Variants in MYCBP observed in about 807,000 individuals in gnomAD.
The protein encoded by MYCBP is C-Myc-binding protein.
MYCBP carries 5 observed loss-of-function variants against 16.8 expected under a neutral mutation model. The observed-to-expected ratio is 0.30, with a 90% confidence interval of 0.16 to 0.63. The LOEUF (loss-of-function observed/expected upper bound fraction) is 0.63, where lower values mean the gene tolerates loss of function less well. Ranked by LOEUF, MYCBP falls within the 20% of genes least tolerant of loss-of-function variation. MYCBP has a pLI of 0.83. For missense variants in MYCBP, 103 were observed against 121.8 expected, an observed-to-expected ratio of 0.85 and a Z score of 0.73; for synonymous variants, 35 against 43.7, an observed-to-expected ratio of 0.80 and a Z score of 0.79.
Position 38,866,044 on chromosome 1 carries a change from C to CTTTTTTTTTTTTTTTTTTTTT in MYCBP, c.267+815_267+835dup, listed in dbSNP as rs71057153. 4.6e-5 allele frequency among the ~76,000 whole-genome samples: 3 copies of CTTTTTTTTTTTTTTTTTTTTT among 65,720 alleles called. 1 individual carries two copies. Among genetic ancestry groups the CTTTTTTTTTTTTTTTTTTTTT allele is most frequent in the African/African-American group, 2.4e-4 (3 of 12,652 alleles). 43.1% of individuals were successfully genotyped at this position (65,720 alleles called of 152,430 possible). ...TAGTAATACAGGTTCCTAAGAACCT[C>CTTTTTTTTTTTTTTTTTTTTT]TTTTTTTTTTTTTTTTTTTTTGAGA... On this transcript the variant is annotated intron_variant, in intron 4 of 4. Coordinates refer to ENST00000397572, the MANE Select transcript of MYCBP (RefSeq NM_012333.5).
chr1:38,864,590 T>C lies in MYCBP; in HGVS notation c.*80A>G. The C allele has an allele frequency of 7.1e-7, 1 of 1,398,952 alleles. No homozygotes were observed. The highest frequency in any genetic ancestry group is 1.0e-6 in the Non-Finnish European group (1 of 987,144). The allele number at this position is 1,398,952 out of a possible 1,614,324, so 86.7% of individuals were successfully genotyped here. On this transcript the variant is annotated 3_prime_UTR_variant, in exon 5 of 5. Transcript: ENST00000397572. ...TATTAAAAGAGTTCTATAGCATCTG[T>C]TCAGAAAAGATTATATACTATACAA...
intron 1 of MYCBP, 21 bp downstream of exon 1, chr1:38,873,270 G>C: frequency 6.3e-7 from 1 of 1,599,814 alleles, no homozygotes; most frequent in South Asian, 1.1e-5. Context: ...CATGCCCCCA[G>C]CCACGCCGCG....
chr1:38,866,788 C>T, intron 4 of MYCBP, 92 bp downstream of exon 4: 1 of 1,034,820 alleles, frequency 9.7e-7, no homozygotes, highest in African/African-American at 1.6e-5. Context: ...ATTCACCCAC[C>T]TCCCTCCCCT....
rs914304734 is a variant in MYCBP, at chr1:38,866,411, TTC to T, written c.267+467_267+468del. On this transcript the variant is annotated intron_variant, in intron 4 of 4. Coordinates refer to ENST00000397572, the MANE Select transcript of MYCBP (RefSeq NM_012333.5). ...CCTATTTCCAGTATGTCTTGCGGTT[TTC>T]TTTTTTTTTTTTTAACCCCCCTAGA... Among the ~76,000 whole-genome samples, 15 of 151,120 alleles carry T rather than the reference TTC, an allele frequency of 9.9e-5. 1 individual carries two copies. Among genetic ancestry groups the T allele is most frequent in the African/African-American group, 2.4e-4 (10 of 41,088 alleles).
chr1:38,871,418 C>T (rs188976401), intron 2 of MYCBP, among the ~76,000 whole-genome samples: 1 of 149,032 alleles, frequency 6.7e-6, no homozygotes, highest in Admixed American at 7.0e-5. Context: ...ACACACATCC[C>T]ACCTGTCACT....
At chr1:38,872,779 C>G (rs181010504) in intron 2 of MYCBP, among the ~76,000 whole-genome samples, 27 of 152,384 alleles carry the variant, frequency 1.8e-4, no homozygotes, top group Non-Finnish European at 3.5e-4. Context: ...GTTGAAGAGA[C>G]TTTGCAACAG....
intron 2 of MYCBP, among the ~76,000 whole-genome samples, chr1:38,869,242 C>A (rs906581552): frequency 1.1e-4 from 17 of 152,064 alleles, no homozygotes; most frequent in South Asian, 6.2e-4. Flanking sequence ...GCATGTGCCA[C>A]CATGCCCGGC....
intron 2 of MYCBP, among the ~76,000 whole-genome samples, chr1:38,869,901 G>A (rs1006616485): frequency 2.0e-5 from 3 of 151,738 alleles, no homozygotes; most frequent in Non-Finnish European, 2.9e-5. Context: ...AGGCATGATG[G>A]CTCACGCCTA....
chr1:38,867,648 A>G, intron 2 of MYCBP, 38 bp from the exon 3 acceptor site: 1 of 1,585,904 alleles, frequency 6.3e-7, no homozygotes, highest in Middle Eastern at 1.7e-4. Context: ...CAATTGACGT[A>G]TTAAATTTGA....
rs749073844 is a variant in MYCBP, at chr1:38,867,609, C to T, written c.90G>A (p.Val30=). The change falls in exon 3 of 5, where the codon GTG becomes GTA. Residue 30 remains valine (V), a splice_region_variant and synonymous_variant. Transcript: ENST00000397572. ...KSGVLDTLTK[V]LVALYEEPEK... The stretch of plus-strand genomic sequence containing the variant: ...CTGGTTCTTCATATAAGGCTACCAA[C>T]ACTGCAAATCAAAAAGCAGAAAAAG... 2 of 1,613,496 alleles carry T rather than the reference C, an allele frequency of 1.2e-6. No individual in the cohort carries two copies. The highest frequency in any genetic ancestry group is 1.7e-6 in the Non-Finnish European group (2 of 1,179,740).
At chr1:38,868,365 T>A (rs1642383011) in intron 2 of MYCBP, among the ~76,000 whole-genome samples, 1 of 152,188 alleles carries the variant, frequency 6.6e-6, no homozygotes, top group South Asian at 2.1e-4. Context: ...ATTAAGTTTG[T>A]TTTGCTAAAT....
At chr1:38,873,265 C>T in intron 1 of MYCBP, 26 bp downstream of exon 1, 1 of 1,599,628 alleles carries the variant, frequency 6.3e-7, no homozygotes, top group East Asian at 2.2e-5. Context: ...GCCCGCATGC[C>T]CCCAGCCACG....
chr1:38,870,825 A>C (rs1028292518), intron 2 of MYCBP, among the ~76,000 whole-genome samples: 25 of 148,652 alleles, frequency 1.7e-4, no homozygotes, highest in Admixed American at 1.5e-3. Flanking sequence ...AAAAAAAAAA[A>C]AAACAAATAG....
chr1:38,873,359 G>C, upstream of MYCBP: 5 of 1,584,716 alleles, frequency 3.2e-6, no homozygotes, highest in Non-Finnish European at 3.4e-6. Context: ...GGCGGGTTGG[G>C]AGCAGCACTG....
chr1:38,873,318 A>T lies in MYCBP; in HGVS notation c.-13T>A, dbSNP rs1173290475. The T allele has an allele frequency of 6.2e-7, 1 of 1,600,852 alleles. No homozygotes were observed. Among genetic ancestry groups the T allele is most frequent in the Non-Finnish European group, 8.5e-7 (1 of 1,178,464 alleles). On this transcript the variant is annotated 5_prime_UTR_variant, in exon 1 of 5. Coordinates refer to ENST00000397572, the MANE Select transcript of MYCBP (RefSeq NM_012333.5). ...TGTAATGGGCCATAGTGACAGCGGCAGCGGCGTAGCTGGCGCCGGAGACCG... is the reference window on the plus strand; with the variant it reads ...TGTAATGGGCCATAGTGACAGCGGCTGCGGCGTAGCTGGCGCCGGAGACCG...
chr1:38,873,237 G>T, intron 1 of MYCBP, 54 bp downstream of exon 1: 16 of 1,592,590 alleles, frequency 1.0e-5, no homozygotes, highest in South Asian at 1.1e-5. Flanking sequence ...ACCCAGAGCC[G>T]ACCAGCGGCT....
At chr1:38,865,448 C>T (rs79895954) in intron 4 of MYCBP, among the ~76,000 whole-genome samples, 1 of 152,118 alleles carries the variant, frequency 6.6e-6, no homozygotes, top group African/African-American at 2.4e-5. Context: ...TGTGGTAAGA[C>T]CTGAAAGACT....
intron 2 of MYCBP, among the ~76,000 whole-genome samples, chr1:38,868,129 T>G (rs1280432271): frequency 6.6e-6 from 1 of 152,152 alleles, no homozygotes; most frequent in Non-Finnish European, 1.5e-5. Context: ...AGTGACAGGA[T>G]CCACTCTTAA....
At position 38,862,572 on chromosome 1, in the gene MYCBP, C is replaced by G. The variant is rs1361323477; in HGVS notation, c.*2098G>C. ...AGATGTGAAGTCGATATTTTATAGA[C>G]AAAGCAGCTGAAGCATAATAGGAGC... On this transcript the variant is annotated 3_prime_UTR_variant, in exon 5 of 5. Coordinates refer to ENST00000397572, the MANE Select transcript of MYCBP (RefSeq NM_012333.5). Among the ~76,000 whole-genome samples the G allele has an allele frequency of 1.3e-5, 2 of 152,208 alleles. No individual in the cohort carries two copies. The highest frequency in any genetic ancestry group is 2.9e-5 in the Non-Finnish European group (2 of 68,040).
Sources: allele counts gnomAD v4.1 joint callset (sites outside exome capture counted in the v4.1 genomes callset), GRCh38; gene constraint gnomAD v4.1.1; transcripts MANE v1.5; gene names NCBI Gene and HGNC (gene_info 2026-07-23, HGNC 2026-07-21).